The following SORT1 variants were observed in gnomAD, a reference collection of about 807,000 sequenced individuals.
SORT1 encodes the protein sortilin 1.
A neutral mutation model predicts 101.7 loss-of-function variants in SORT1; 39 were observed. The observed-to-expected ratio is 0.38, with a 90% CI of 0.30 to 0.50. The LOEUF is 0.50. Among genes scored for constraint, SORT1 ranks in the 20% least tolerant of loss-of-function variants. The pLI, the probability that SORT1 is intolerant of heterozygous loss-of-function variation, is 0.90. For synonymous variants in SORT1, 396 were observed against 393.7 expected (o/e 1.01, Z -0.07); for missense variants, 878 against 1,040.4 (o/e 0.84, Z 2.15).
At chr1:109,365,261 T>C (rs901284839) in intron 3 of SORT1, among the ~76,000 whole-genome samples, 1 of 152,184 alleles carries the variant, frequency 6.6e-6, no homozygotes, top group Non-Finnish European at 1.5e-5. Context: ...TATTGCTCTG[T>C]CACCCAGCCT....
chr1:109,356,930 C>A (rs1650363143), intron 3 of SORT1, among the ~76,000 whole-genome samples: 1 of 152,188 alleles, frequency 6.6e-6, no homozygotes. Context: ...TCAATGAAGA[C>A]TGCTGTGCAC....
intron 5 of SORT1, among the ~76,000 whole-genome samples, chr1:109,352,698 T>A (rs967872284): frequency 6.6e-6 from 1 of 152,232 alleles, no homozygotes; most frequent in Non-Finnish European, 1.5e-5. Flanking sequence ...AAGGCAGAAT[T>A]TGATACCACT....
chr1:109,314,428 G>T (rs1478807430), intron 18 of SORT1, 44 bp from the exon 19 acceptor site: 1 of 1,605,286 alleles, frequency 6.2e-7, no homozygotes, highest in Non-Finnish European at 8.5e-7. Context: ...ACACAGCAGG[G>T]GTGCACTTCT....
intron 3 of SORT1, among the ~76,000 whole-genome samples, chr1:109,359,933 C>T (rs1650599592): frequency 6.6e-6 from 1 of 152,090 alleles, no homozygotes; most frequent in South Asian, 2.1e-4. Context: ...CAGTTGTGTA[C>T]CTGTGAAACC....
rs112510738 is a variant in SORT1 at position 109,377,259 on chromosome 1, T to C, written c.307-7670A>G. ...AATTCTTAATGGCAGACGCTATAAT[T>C]TGGTATTACCCATCAGGCCTAGCAC... On this transcript the variant is annotated intron_variant, in intron 1 of 19. Transcript: ENST00000256637. Among the ~76,000 whole-genome samples, 765 of 152,344 alleles carry C rather than the reference T, an allele frequency of 5.0e-3. 10 individuals carry two copies. Among genetic ancestry groups the C allele is most frequent in the African/African-American group, 0.018 (734 of 41,574 alleles).
At position 109,394,497 on chromosome 1, in the gene SORT1, A is replaced by G. The variant is rs113821254; in HGVS notation, c.306+3090T>C. 5.3e-3 allele frequency among the ~76,000 whole-genome samples: 812 copies of G among 152,326 alleles called. 10 individuals are homozygous for G. The highest frequency in any genetic ancestry group is 0.019 in the African/African-American group (780 of 41,572). ...ACCTGCTGGATTTCATGGACAGAGA[A>G]GCCTGAGTGGTCATCAGGACACCGG... On this transcript the variant is annotated intron_variant, in intron 1 of 19. Coordinates refer to ENST00000256637, the MANE Select transcript of SORT1 (RefSeq NM_002959.7).
At chr1:109,366,116 AG>A (rs1651073160) in intron 3 of SORT1, among the ~76,000 whole-genome samples, 1 of 152,248 alleles carries the variant, frequency 6.6e-6, no homozygotes, top group South Asian at 2.1e-4. Context: ...ACAATCATTC[AG>A]CAATCTCTAG....
chr1:109,367,269 T>C, intron 3 of SORT1, 139 bp downstream of exon 3: 1 of 601,780 alleles, frequency 1.7e-6, no homozygotes, highest in Admixed American at 2.7e-5. Context: ...ATGTGCTGAG[T>C]GTGACAGTCT....
rs747735077 is a variant in SORT1 at position 109,397,653 on chromosome 1, C to T, written c.240G>A (p.Pro80=). The change falls in exon 1 of 20, where the codon CCG becomes CCA. Residue 80 remains proline (P), a synonymous_variant. Transcript: ENST00000256637. ...PRGGRWRRSA[P]GEDEECGRVR... ...CCCGGCCGCACTCCTCGTCCTCGCC[C>T]GGCGCGCTGCGACGCCAACGGCCGC... The T allele has an allele frequency of 2.4e-6, 3 of 1,231,484 alleles. No homozygotes were observed. The highest frequency in any genetic ancestry group is 4.0e-5 in the South Asian group (2 of 50,184). 76.3% of individuals were successfully genotyped at this position (1,231,484 alleles called of 1,614,324 possible).
At chr1:109,359,609 C>T (rs560362404) in intron 3 of SORT1, among the ~76,000 whole-genome samples, 3 of 152,218 alleles carry the variant, frequency 2.0e-5, no homozygotes, top group East Asian at 3.9e-4. Flanking sequence ...AAGCGGTTCT[C>T]CTGCCTCAGC....
chr1:109,358,415 C>T (rs1193799964), intron 3 of SORT1, among the ~76,000 whole-genome samples: 1 of 152,160 alleles, frequency 6.6e-6, no homozygotes, highest in African/African-American at 2.4e-5. Flanking sequence ...ACTTTATTTT[C>T]TATCAGCCTA....
chr1:109,323,074 C>A lies in SORT1; in HGVS notation c.1882G>T (p.Glu628Ter). The A allele has an allele frequency of 6.2e-7, 1 of 1,614,174 alleles. No homozygotes were observed. The highest frequency in any genetic ancestry group is 8.5e-7 in the Non-Finnish European group (1 of 1,180,002). ...TIWLAHSTDP[E>*]DYEDGCILGY... is the part of the protein sequence containing the mutation. ...AAAATGCAGCCATCTTCATAATCTT[C>A]AGGGTCTGTGGAGTGTGCCAGCCAT... is the stretch of plus-strand genomic sequence containing the variant. The change falls in exon 15 of 20, where the codon GAA (glutamate) becomes TAA (stop). Residue 628 changes from glutamate (E) to a stop codon, truncating the protein, a stop_gained. Transcript: ENST00000256637. LOFTEE classifies it high-confidence loss of function.
chr1:109,348,279 G>C (rs985212407), intron 6 of SORT1, among the ~76,000 whole-genome samples: 18 of 152,022 alleles, frequency 1.2e-4, no homozygotes, highest in Non-Finnish European at 2.5e-4. Context: ...ACCAAAAAAA[G>C]GTGTTGGTTT....
chr1:109,323,001 T>G lies in SORT1; in HGVS notation c.1955A>C (p.Gln652Pro). 1 of 1,614,226 alleles carries G rather than the reference T, an allele frequency of 6.2e-7. No individual in the cohort carries two copies. The highest frequency in any genetic ancestry group is 8.5e-7 in the Non-Finnish European group (1 of 1,180,020). Residue 652 changes from glutamine (Q) to proline (P), a missense_variant, in exon 15 of 20, where the codon CAG becomes CCG. Gln to Pro is a moderately conservative substitution (Grantham distance 76). Around this residue, in one of 2 missense-constraint regions of SORT1, gnomAD observed 684 missense variants for 894.5 expected, o/e 0.76. Transcript: ENST00000256637. ...GGTCACAACATAGTCTCGACCATTC[T>G]GACACACGGATGACTTGCGTAGCCG... ...FLRLRKSSVC[Q>P]NGRDYVVTKQ... is the part of the protein sequence containing the mutation.
At chr1:109,384,607 T>A (rs1388349828) in intron 1 of SORT1, among the ~76,000 whole-genome samples, 2 of 152,248 alleles carry the variant, frequency 1.3e-5, no homozygotes, top group Non-Finnish European at 2.9e-5. Flanking sequence ...TGTGAGTCAT[T>A]GTCTTAGTCC....
intron 3 of SORT1, among the ~76,000 whole-genome samples, chr1:109,365,855 A>G (rs1362797639): frequency 6.6e-6 from 1 of 152,342 alleles, no homozygotes; most frequent in East Asian, 1.9e-4. Context: ...CTCTGGCTCC[A>G]TGCCCAGGAG....
intron 1 of SORT1, among the ~76,000 whole-genome samples, chr1:109,374,390 T>C (rs911295285): frequency 4.6e-5 from 7 of 152,034 alleles, no homozygotes; most frequent in African/African-American, 1.4e-4. Flanking sequence ...CTGGCCAACA[T>C]GGTAAAATCC....
rs540612634 is a variant in SORT1, at chr1:109,311,840, A to C, written c.*2203T>G. On this transcript the variant is annotated 3_prime_UTR_variant, in exon 20 of 20. Transcript: ENST00000256637. ...CTTGCTCAAAGTGGTTAGCACTCGC[A>C]TGTGTAAAGATTTCCAAGAGTTCTG... 5.2e-5 allele frequency: 8 copies of C among 152,608 alleles called. No homozygotes were observed. Among genetic ancestry groups the C allele is most frequent in the South Asian group, 4.1e-4 (2 of 4,830 alleles). 9.5% of individuals were successfully genotyped at this position (152,608 alleles called of 1,614,324 possible). A position where few individuals can be genotyped will look rare whatever the true frequency, so the allele number is the denominator to read the frequency against.
intron 1 of SORT1, chr1:109,392,621 C>CATCT: frequency 1.0e-6 from 1 of 985,270 alleles, no homozygotes; most frequent in Middle Eastern, 5.2e-4. Flanking sequence ...CCCTTGGAGC[C>CATCT]ATCTGTCATA....
Sources: gnomAD v4.1 joint callset for allele counts (sites outside exome capture counted in the v4.1 genomes callset) on GRCh38, gnomAD v4.1.1 for gene constraint, gnomAD v4.1.1 regional missense constraint, MANE v1.5 for transcripts, NCBI Gene and HGNC (gene_info 2026-07-23, HGNC 2026-07-21) for gene names.